CERS6: variants seen among roughly 807,000 people sequenced by gnomAD.
The protein encoded by CERS6 is ceramide synthase 6, also known as LAG1 homolog, ceramide synthase 6.
In CERS6, 26 loss-of-function variants were observed where a neutral mutation model predicts 56.8. The ratio of observed to expected loss-of-function variants is 0.46; its 90% confidence interval spans 0.34 to 0.63. The LOEUF is 0.63. CERS6 is among the 30% of genes least tolerant of loss of function. The pLI is 0.01. For synonymous variants in CERS6, 164 were observed against 173.3 expected, an observed-to-expected ratio of 0.95 and a Z score of 0.42; for missense variants, 415 against 467.5, an observed-to-expected ratio of 0.89 and a Z score of 1.04.
intron 4 of CERS6, among the ~76,000 whole-genome samples, chr2:168,666,843 G>A (rs888100224): frequency 6.6e-6 from 1 of 152,128 alleles, no homozygotes; most frequent in East Asian, 1.9e-4. Flanking sequence ...TGTATAAAAG[G>A]CCTGAGATAT....
chr2:168,540,436 C>G (rs1309196678), intron 1 of CERS6, among the ~76,000 whole-genome samples: 1 of 152,158 alleles, frequency 6.6e-6, no homozygotes, highest in African/African-American at 2.4e-5. Flanking sequence ...GAGTCCTTTT[C>G]TATGTTTAGA....
At chr2:168,666,253 AC>A (rs1685758542) in intron 4 of CERS6, among the ~76,000 whole-genome samples, 1 of 152,116 alleles carries the variant, frequency 6.6e-6, no homozygotes, top group Non-Finnish European at 1.5e-5. Context: ...ACATGCATCC[AC>A]CATTACACTG....
At chr2:168,575,604 G>A (rs1683243979) in intron 3 of CERS6, among the ~76,000 whole-genome samples, 1 of 152,130 alleles carries the variant, frequency 6.6e-6, no homozygotes, top group Non-Finnish European at 1.5e-5. Flanking sequence ...CACCTTGTAA[G>A]CACATAATAA....
chr2:168,505,804 T>C (rs569713928), intron 1 of CERS6, among the ~76,000 whole-genome samples: 13 of 152,304 alleles, frequency 8.5e-5, no homozygotes, highest in Non-Finnish European at 1.6e-4. Flanking sequence ...GGGAAATAAT[T>C]GGTTTCTTCT....
At chr2:168,703,483 G>A (rs111229893) in intron 6 of CERS6, among the ~76,000 whole-genome samples, 5,199 of 152,024 alleles carry the variant, frequency 0.034, 311 homozygotes, top group African/African-American at 0.12. Flanking sequence ...ACTTGAACCC[G>A]AGAGGCGGAG....
intron 1 of CERS6, among the ~76,000 whole-genome samples, chr2:168,489,641 T>TTA (rs1331070553): frequency 6.6e-6 from 1 of 151,960 alleles, no homozygotes; most frequent in African/African-American, 2.4e-5. Flanking sequence ...CTTTCTTCGG[T>TTA]TATATATATA....
intron 1 of CERS6, among the ~76,000 whole-genome samples, chr2:168,518,367 A>G (rs1451538690): frequency 2.0e-5 from 3 of 152,250 alleles, no homozygotes; most frequent in East Asian, 1.9e-4. Flanking sequence ...GAAGATAGTC[A>G]TTAAAGCACT....
chr2:168,760,470 C>T (rs1447349490), intron 8 of CERS6, among the ~76,000 whole-genome samples: 2 of 152,132 alleles, frequency 1.3e-5, no homozygotes, highest in African/African-American at 4.8e-5. Flanking sequence ...TGTTAATCTC[C>T]TTTGGCAATA....
intron 1 of CERS6, among the ~76,000 whole-genome samples, chr2:168,506,421 T>TGG (rs1218033930): frequency 3.3e-5 from 5 of 152,232 alleles, no homozygotes; most frequent in Admixed American, 1.3e-4. Flanking sequence ...ACTAGATCAG[T>TGG]GTCCAGGTGT....
chr2:168,715,522 G>T (rs73973413), intron 7 of CERS6, among the ~76,000 whole-genome samples: 1,584 of 152,128 alleles, frequency 0.01, 34 homozygotes, highest in African/African-American at 0.036. Flanking sequence ...TTAAGTAGGG[G>T]TCATTGTTTT....
At chr2:168,595,632 G>A (rs1227901420) in intron 3 of CERS6, among the ~76,000 whole-genome samples, 1 of 152,162 alleles carries the variant, frequency 6.6e-6, no homozygotes, top group African/African-American at 2.4e-5. Context: ...CTTACGAAGA[G>A]TATCTCTCAT....
chr2:168,464,979 C>T (rs993910289), intron 1 of CERS6, among the ~76,000 whole-genome samples: 6 of 152,030 alleles, frequency 3.9e-5, no homozygotes, highest in African/African-American at 9.7e-5. Flanking sequence ...GGAGGTTCCT[C>T]GAAAAATTAA....
At chr2:168,714,965 C>G (rs369910905) in intron 6 of CERS6, 36 bp from the exon 7 acceptor site, 1 of 1,576,808 alleles carries the variant, frequency 6.3e-7, no homozygotes, top group Non-Finnish European at 8.6e-7. Flanking sequence ...TGTGATGTTG[C>G]TAAACTCTAA....
intron 1 of CERS6, among the ~76,000 whole-genome samples, chr2:168,537,188 A>G (rs1695279705): frequency 1.3e-5 from 2 of 152,226 alleles, no homozygotes; most frequent in Non-Finnish European, 2.9e-5. Context: ...GAAAGAGCAA[A>G]GTGTAAAGCA....
intron 3 of CERS6, among the ~76,000 whole-genome samples, chr2:168,606,048 C>T (rs945676933): frequency 4.6e-5 from 7 of 152,202 alleles, no homozygotes; most frequent in Non-Finnish European, 1.0e-4. Flanking sequence ...CCACCAGCAG[C>T]TTGGACCCTG....
At chr2:168,533,341 T>C (rs1331074969) in intron 1 of CERS6, among the ~76,000 whole-genome samples, 1 of 151,966 alleles carries the variant, frequency 6.6e-6, no homozygotes, top group African/African-American at 2.4e-5. Context: ...TTGGAATAGA[T>C]TGGAATAGTT....
intron 4 of CERS6, among the ~76,000 whole-genome samples, chr2:168,680,438 G>A (rs1686184071): frequency 6.6e-6 from 1 of 152,180 alleles, no homozygotes; most frequent in Non-Finnish European, 1.5e-5. Flanking sequence ...ATGAGCTATA[G>A]GAAAGCATAG....
chr2:168,573,232 A>C (rs1401380690), intron 3 of CERS6, among the ~76,000 whole-genome samples: 1 of 152,204 alleles, frequency 6.6e-6, no homozygotes, highest in Non-Finnish European at 1.5e-5. Flanking sequence ...TGGTGCTCAG[A>C]GTTTAAAGAG....
chr2:168,657,737 G>A lies in CERS6; in HGVS notation c.465+26695G>A, dbSNP rs368988132. On this transcript the variant is annotated intron_variant, in intron 4 of 9. Coordinates refer to ENST00000305747, the MANE Select transcript of CERS6 (RefSeq NM_203463.3). ...AGGGCAGGCTGGCTGCTCCGAGTGC[G>A]GGGCCCACCAAGCCCACGCCCACCC... 2.9e-3 allele frequency among the ~76,000 whole-genome samples: 440 copies of A among 152,304 alleles called. 2 individuals carry two copies. Among genetic ancestry groups the A allele is most frequent in the South Asian group, 8.3e-3 (40 of 4,828 alleles).
Sources: allele counts gnomAD v4.1 joint callset (sites outside exome capture counted in the v4.1 genomes callset), GRCh38; gene constraint gnomAD v4.1.1; transcripts MANE v1.5; gene names NCBI Gene and HGNC (gene_info 2026-07-23, HGNC 2026-07-21).